The following MAPRE2 variants were observed in gnomAD, a reference collection of about 807,000 sequenced individuals.
The protein encoded by MAPRE2 is microtubule associated protein RP/EB family member 2, also known as microtubule-associated protein RP/EB family member 2.
A neutral mutation model predicts 43.2 loss-of-function variants in MAPRE2; 13 were observed. The ratio of observed to expected loss-of-function variants is 0.30; its 90% confidence interval spans 0.20 to 0.48. MAPRE2 has a LOEUF of 0.48. Among genes scored for constraint, MAPRE2 ranks in the 20% least tolerant of loss-of-function variants. The probability of loss-of-function intolerance (pLI) is 0.99; values close to 1 mark genes in which losing one functional copy is unlikely to be tolerated. For synonymous variants in MAPRE2, 135 were observed against 148.8 expected (o/e 0.91, Z 0.68); for missense variants, 161 against 400.2 (o/e 0.40, Z 5.10).
intron 2 of MAPRE2, among the ~76,000 whole-genome samples, chr18:35,094,685 A>G (rs190574628): frequency 2.2e-3 from 339 of 152,268 alleles, no homozygotes; most frequent in African/African-American, 7.8e-3. Flanking sequence ...GCTCAGAGTC[A>G]ATGGAAAGCC....
chr18:35,132,928 C>T lies in MAPRE2; in HGVS notation c.909+738C>T, dbSNP rs1359594745. Among the ~76,000 whole-genome samples the T allele has an allele frequency of 2.6e-5, 4 of 152,118 alleles. No individual in the cohort carries two copies. The East Asian group carries it at 7.7e-4, about 29-fold the overall frequency. ...GTGCCAGGAGAGAGAGGCCCAGCAG[C>T]CAGAGGTGGAGGTGGGAGCCTGATG... On this transcript the variant is annotated intron_variant, in intron 6 of 6. Transcript: ENST00000300249.
chr18:35,032,365 A>T (rs1430122773), intron 2 of MAPRE2, among the ~76,000 whole-genome samples: 1 of 152,174 alleles, frequency 6.6e-6, no homozygotes, highest in African/African-American at 2.4e-5. Context: ...TGTGATGAGT[A>T]GGTGTTTCTG....
chr18:35,061,342 GA>G lies in MAPRE2; in HGVS notation c.123-8846del, dbSNP rs577037613. 1.6e-3 allele frequency among the ~76,000 whole-genome samples: 243 copies of G among 152,178 alleles called. 2 individuals are homozygous for G. Among genetic ancestry groups the G allele is most frequent in the African/African-American group, 3.4e-3 (140 of 41,526 alleles). On this transcript the variant is annotated intron_variant, in intron 1 of 6. Coordinates refer to ENST00000300249, the MANE Select transcript of MAPRE2 (RefSeq NM_014268.4). ...AAACCATCAATGCCTAATTTTGAGA[GA>G]AAAAAATAGTATATTTCAGTGTCTA...
chr18:35,005,540 C>T, exon 2 of MAPRE2: 1 of 1,542,552 alleles, frequency 6.5e-7, no homozygotes, highest in East Asian at 2.5e-5. Context: ...AGGGAGAAAG[C>T]CTGGATGCTC....
At position 35,097,431 on chromosome 18, in the gene MAPRE2, C is replaced by A. The variant is rs771578889; in HGVS notation, c.251-15C>A. On this transcript the variant is annotated splice_polypyrimidine_tract_variant and intron_variant, in intron 2 of 6. Coordinates refer to ENST00000300249, the MANE Select transcript of MAPRE2 (RefSeq NM_014268.4). ...CAGTGAGACTCACTCCAGTACTGTT[C>A]TTGTTTCTTTCCAGGAGCGGCCTAT... is the stretch of plus-strand genomic sequence containing the variant. 6.2e-7 allele frequency: 1 copy of A among 1,612,610 alleles called. No homozygotes were observed. Among genetic ancestry groups the A allele is most frequent in the South Asian group, 1.1e-5 (1 of 90,894 alleles).
chr18:35,138,423 G>T, intron 6 of MAPRE2, among the ~76,000 whole-genome samples: 1 of 152,166 alleles, frequency 6.6e-6, no homozygotes, highest in Non-Finnish European at 1.5e-5. Context: ...TGAATAAGGG[G>T]CCTGTCGGCA....
In MAPRE2 at chr18:35,120,565, AT is replaced by A. The variant is rs1254868305; in HGVS notation, c.611-6382del. On this transcript the variant is annotated intron_variant, in intron 4 of 6. Coordinates refer to ENST00000300249, the MANE Select transcript of MAPRE2 (RefSeq NM_014268.4). ...CAGTTTTGAAGGAAAGACTAGGTCA[AT>A]ATAACTTGAATTTGCAGTAATCAGA... 3.3e-5 allele frequency among the ~76,000 whole-genome samples: 5 copies of A among 152,206 alleles called. No individual in the cohort carries two copies. The South Asian group carries it at 6.2e-4, about 19-fold the overall frequency.
intron 1 of MAPRE2, among the ~76,000 whole-genome samples, chr18:34,980,582 C>G (rs2097015703): frequency 6.6e-6 from 1 of 152,150 alleles, no homozygotes; most frequent in South Asian, 2.1e-4. Context: ...TGAGTACATT[C>G]AGTTTGCTGT....
chr18:35,121,307 A>AT (rs1204520503), intron 4 of MAPRE2, among the ~76,000 whole-genome samples: 1 of 152,126 alleles, frequency 6.6e-6, no homozygotes, highest in African/African-American at 2.4e-5. Flanking sequence ...ACCACTCCGA[A>AT]TTTTTTTACA....
chr18:35,099,739 C>CT (rs1908587967), intron 3 of MAPRE2, among the ~76,000 whole-genome samples: 1 of 152,198 alleles, frequency 6.6e-6, no homozygotes, highest in African/African-American at 2.4e-5. Context: ...CCACCAAAGT[C>CT]TATTACCCAA....
chr18:34,986,695 A>C (rs749245083), intron 1 of MAPRE2, among the ~76,000 whole-genome samples: 20 of 152,212 alleles, frequency 1.3e-4, no homozygotes, highest in Non-Finnish European at 2.6e-4. Flanking sequence ...CAACTCGGTC[A>C]GTGGGTCTGT....
At chr18:35,029,425 C>T (rs957783411) in intron 2 of MAPRE2, among the ~76,000 whole-genome samples, 2 of 152,180 alleles carry the variant, frequency 1.3e-5, no homozygotes, top group Admixed American at 6.5e-5. Context: ...TCCAATGTCC[C>T]TGGTTGCCAC....
intron 2 of MAPRE2, among the ~76,000 whole-genome samples, chr18:35,094,737 T>G (rs527859756): frequency 1.3e-5 from 2 of 152,274 alleles, no homozygotes; most frequent in African/African-American, 4.8e-5. Context: ...GCTAAGGAGC[T>G]GGGAACACAG....
In MAPRE2 at chr18:35,097,705, A is replaced by T. The variant is rs1908491960; in HGVS notation, c.396+114A>T. On this transcript the variant is annotated intron_variant, in intron 3 of 6. Transcript: ENST00000300249. ...GGATATATCTTGATATCCCAACAGT[A>T]GGCTGGGGTCTGTACCTAGCATAAA... The T allele has an allele frequency of 1.7e-5, 15 of 877,604 alleles. 1 individual carries two copies. The South Asian group carries it at 2.4e-4, about 14-fold the overall frequency. 54.4% of individuals were successfully genotyped at this position (877,604 alleles called of 1,614,324 possible).
chr18:35,030,469 G>C (rs1432404731), intron 2 of MAPRE2, among the ~76,000 whole-genome samples: 1 of 152,192 alleles, frequency 6.6e-6, no homozygotes, highest in Non-Finnish European at 1.5e-5. Flanking sequence ...AAGTGTGTTT[G>C]TGCTCAGCTC....
chr18:35,063,999 TTAAAAAAAAAA>T (rs1278811966), intron 1 of MAPRE2, among the ~76,000 whole-genome samples: 23 of 60,732 alleles, frequency 3.8e-4, no homozygotes, highest in African/African-American at 7.5e-4. Flanking sequence ...CCCTGTCTCT[TTAAAAAAAAAA>T]AAAAAAAAAA....
chr18:35,035,852 C>T (rs1354572087), intron 2 of MAPRE2, among the ~76,000 whole-genome samples: 1 of 135,206 alleles, frequency 7.4e-6, no homozygotes, highest in East Asian at 2.1e-4. Flanking sequence ...CTCGGGTCTT[C>T]TCTTTCCCCC....
rs114776584 is a variant in MAPRE2 at position 35,004,030 on chromosome 18, G to A, written c.-69-1462G>A. On this transcript the variant is annotated intron_variant, in intron 1 of 7. Transcript: ENST00000413393. ...GTTAAGTTTTCTGATTTTTAAACAA[G>A]CCCAAGTTTATTAATTATTTTTGAG... 5.0e-3 allele frequency among the ~76,000 whole-genome samples: 755 copies of A among 152,148 alleles called. 8 individuals are homozygous for A. Among genetic ancestry groups the A allele is most frequent in the African/African-American group, 0.017 (716 of 41,514 alleles).
At chr18:35,017,563 GTTTTTT>G (rs1568973084) in intron 2 of MAPRE2, among the ~76,000 whole-genome samples, 2 of 96,702 alleles carry the variant, frequency 2.1e-5, no homozygotes, top group Non-Finnish European at 5.1e-5. Context: ...TTTGTTTTTT[GTTTTTT>G]GTTTTTTTTT....
Sources: allele counts gnomAD v4.1 joint callset (sites outside exome capture counted in the v4.1 genomes callset), GRCh38; gene constraint gnomAD v4.1.1; transcripts MANE v1.5; gene names NCBI Gene and HGNC (gene_info 2026-07-23, HGNC 2026-07-21).